Variants in EPHA5 observed in about 807,000 individuals in gnomAD.
EPHA5 encodes the protein ephrin type-A receptor 5.
EPHA5 carries 60 observed loss-of-function variants against 105.0 expected under a neutral mutation model. The observed-to-expected ratio is 0.57, with a 90% CI of 0.46 to 0.71. EPHA5 has a LOEUF of 0.71. EPHA5 is among the 30% of genes least tolerant of loss of function. The pLI is 0.00. For missense variants in EPHA5, 1,218 were observed against 1,274.7 expected, an observed-to-expected ratio of 0.96 and a Z score of 0.68; for synonymous variants, 513 against 449.1, an observed-to-expected ratio of 1.14 and a Z score of -1.80.
At chr4:65,569,143 A>G (rs1444260512) in intron 3 of EPHA5, among the ~76,000 whole-genome samples, 1 of 151,546 alleles carries the variant, frequency 6.6e-6, no homozygotes, top group Admixed American at 6.6e-5. Context: ...AGCTATCACA[A>G]TATTAAAAGA....
chr4:65,625,959 G>T (rs1746111022), intron 2 of EPHA5, among the ~76,000 whole-genome samples: 1 of 152,036 alleles, frequency 6.6e-6, no homozygotes, highest in Non-Finnish European at 1.5e-5. Context: ...AATTATCCGC[G>T]TTTGGTGGCG....
In EPHA5 at chr4:65,364,999, A is replaced by C; in HGVS notation, c.2173+18T>G. The C allele has an allele frequency of 6.2e-7, 1 of 1,607,070 alleles. No individual in the cohort carries two copies. Among genetic ancestry groups the C allele is most frequent in the Non-Finnish European group, 8.5e-7 (1 of 1,175,062 alleles). ...TTGAGGATATGCACACACATGTATA[A>C]TTTGCCATCATACTTACTTTTGGTC... On this transcript the variant is annotated intron_variant, in intron 11 of 16. Transcript: ENST00000613740.
chr4:65,496,261 G>A (rs566722119), intron 3 of EPHA5, among the ~76,000 whole-genome samples: 10 of 151,164 alleles, frequency 6.6e-5, no homozygotes, highest in Non-Finnish European at 1.3e-4. Context: ...TAAGTTTTAG[G>A]GTACATGTGC....
chr4:65,462,439 C>A (rs959635530), intron 5 of EPHA5, among the ~76,000 whole-genome samples: 1 of 152,138 alleles, frequency 6.6e-6, no homozygotes, highest in Admixed American at 6.5e-5. Flanking sequence ...TCTCACAATT[C>A]TAAACATTGA....
At chr4:65,475,137 C>T (rs932864184) in intron 5 of EPHA5, among the ~76,000 whole-genome samples, 8 of 152,136 alleles carry the variant, frequency 5.3e-5, no homozygotes, top group Non-Finnish European at 1.0e-4. Context: ...CAATGCCCAA[C>T]TGCCATTCAT....
chr4:65,569,848 C>T (rs1432402469), intron 3 of EPHA5, among the ~76,000 whole-genome samples: 1 of 151,658 alleles, frequency 6.6e-6, no homozygotes, highest in South Asian at 2.1e-4. Flanking sequence ...TTTGCATACC[C>T]TCATCCTCCA....
intron 3 of EPHA5, among the ~76,000 whole-genome samples, chr4:65,544,506 G>A (rs1737179511): frequency 6.6e-6 from 1 of 151,900 alleles, no homozygotes; most frequent in Non-Finnish European, 1.5e-5. Context: ...TTAGAGAAAT[G>A]CAAATCAAAG....
chr4:65,468,655 TGTAAA>T (rs1269289060), intron 5 of EPHA5, among the ~76,000 whole-genome samples: 87 of 14,302 alleles, frequency 6.1e-3, no homozygotes, highest in African/African-American at 0.011. Flanking sequence ...TACATATATA[TGTAAA>T]ATATATATAA....
intron 2 of EPHA5, among the ~76,000 whole-genome samples, chr4:65,624,632 T>C (rs1161387224): frequency 6.6e-6 from 1 of 152,230 alleles, no homozygotes; most frequent in Non-Finnish European, 1.5e-5. Flanking sequence ...TAAAAATTGC[T>C]TTACTTCATC....
chr4:65,396,615 T>A (rs141424666), intron 8 of EPHA5, among the ~76,000 whole-genome samples: 2 of 152,180 alleles, frequency 1.3e-5, no homozygotes, highest in African/African-American at 4.8e-5. Flanking sequence ...CATGTGTGTA[T>A]ACTGGAAGGG....
At chr4:65,436,845 C>A (rs574195074) in intron 5 of EPHA5, among the ~76,000 whole-genome samples, 2 of 151,964 alleles carry the variant, frequency 1.3e-5, no homozygotes, top group Non-Finnish European at 2.9e-5. Flanking sequence ...TGCCAAAAGT[C>A]TTTTTCCCCC....
intron 3 of EPHA5, among the ~76,000 whole-genome samples, chr4:65,595,730 G>A (rs1578527241): frequency 2.0e-5 from 3 of 151,966 alleles, no homozygotes; most frequent in South Asian, 4.2e-4. Flanking sequence ...ACAGGCTCCC[G>A]CCACCACGCC....
intron 11 of EPHA5, among the ~76,000 whole-genome samples, chr4:65,357,303 T>C (rs1346132860): frequency 6.6e-6 from 1 of 151,378 alleles, no homozygotes; most frequent in East Asian, 1.9e-4. Context: ...ATATAAGGAG[T>C]AAAGTTGAGA....
At chr4:65,587,841 C>T (rs1742272520) in intron 3 of EPHA5, among the ~76,000 whole-genome samples, 1 of 152,132 alleles carries the variant, frequency 6.6e-6, no homozygotes, top group Admixed American at 6.6e-5. Flanking sequence ...GGGTCCGAAT[C>T]TCTCTTCTGT....
chr4:65,643,418 A>G lies in EPHA5; in HGVS notation c.191T>C (p.Leu64Ser). The G allele has an allele frequency of 1.2e-6, 2 of 1,612,946 alleles. No homozygotes were observed. Among genetic ancestry groups the G allele is most frequent in the Non-Finnish European group, 1.7e-6 (2 of 1,179,158 alleles). The change falls in exon 2 of 17, where the codon TTG (leucine) becomes TCG (serine). Residue 64 changes from leucine (L) to serine (S), a missense_variant. Coordinates refer to ENST00000613740, the MANE Select transcript of EPHA5 (RefSeq NM_001281766.3). ...LASPSNEVNL[L>S]DSRTVMGDLG... ...GTCCCCCATGACAGTGCGTGAATCCAATAAATTCACTGAAAAGAAAAGAAC... is the reference window on the plus strand; with the variant it reads ...GTCCCCCATGACAGTGCGTGAATCCGATAAATTCACTGAAAAGAAAAGAAC...
intron 15 of EPHA5, among the ~76,000 whole-genome samples, chr4:65,335,550 C>T (rs568506325): frequency 1.3e-5 from 2 of 152,006 alleles, no homozygotes; most frequent in East Asian, 3.9e-4. Flanking sequence ...TGCTAGATAT[C>T]TCTGGTTTAA....
chr4:65,477,684 A>T (rs1402077277), intron 5 of EPHA5, among the ~76,000 whole-genome samples: 1 of 152,116 alleles, frequency 6.6e-6, no homozygotes, highest in East Asian at 1.9e-4. Context: ...AAGTGCTGAG[A>T]TTATAGGAGT....
At chr4:65,587,658 T>C (rs1215497875) in intron 3 of EPHA5, among the ~76,000 whole-genome samples, 1 of 152,154 alleles carries the variant, frequency 6.6e-6, no homozygotes, top group East Asian at 1.9e-4. Context: ...TCATAGAGCC[T>C]AATTATAGGG....
intron 3 of EPHA5, among the ~76,000 whole-genome samples, chr4:65,577,421 T>C (rs1741166342): frequency 6.6e-6 from 1 of 152,150 alleles, no homozygotes; most frequent in Non-Finnish European, 1.5e-5. Context: ...TTTAATGAGA[T>C]TTTTAAAATC....
Sources: gnomAD v4.1 joint callset for allele counts (sites outside exome capture counted in the v4.1 genomes callset) on GRCh38, gnomAD v4.1.1 for gene constraint, MANE v1.5 for transcripts, NCBI Gene and HGNC (gene_info 2026-07-23, HGNC 2026-07-21) for gene names.